RBM34: variants seen among roughly 807,000 people sequenced by gnomAD.
RBM34 encodes RNA-binding protein 34.
In RBM34, 39 loss-of-function variants were observed where a neutral mutation model predicts 44.6. That is an observed-to-expected ratio of 0.87 (90% CI 0.68 to 1.14). The LOEUF is 1.14. Among genes scored for constraint, RBM34 ranks in the 50% most tolerant of loss-of-function variants. The pLI is 0.00. For missense variants in RBM34, 572 were observed against 517.9 expected (o/e 1.10, Z -1.01); for synonymous variants, 194 against 184.0 (o/e 1.05, Z -0.44).
intron 3 of RBM34, 29 bp from the exon 4 acceptor site, chr1:235,155,141 G>A (rs567164242): frequency 1.9e-6 from 3 of 1,577,452 alleles, no homozygotes; most frequent in Non-Finnish European, 2.6e-6. Flanking sequence ...AAAATAAGCA[G>A]TAAGAGTCAT....
chr1:235,148,233 AG>A (rs2102847367), intron 6 of RBM34, among the ~76,000 whole-genome samples, 170 bp downstream of exon 6: 1 of 152,350 alleles, frequency 6.6e-6, no homozygotes, highest in South Asian at 2.1e-4. Context: ...TATGGCTTAA[AG>A]AAAAACGTGA....
chr1:235,136,612 G>A lies in RBM34; in HGVS notation c.850-539C>T, dbSNP rs1463186459. ...CAGGTCGTTGTCATTTCTCCACTAA[G>A]TTCCTTTGATATCGACAGAAATGCA... On this transcript the variant is annotated intron_variant, in intron 8 of 10. Coordinates refer to ENST00000408888, the MANE Select transcript of RBM34 (RefSeq NM_015014.4). Among the ~76,000 whole-genome samples, 7 of 152,204 alleles carry A rather than the reference G, an allele frequency of 4.6e-5. No individual in the cohort carries two copies. In the East Asian group the frequency reaches 1.3e-3, roughly 29 times the overall value.
intron 6 of RBM34, among the ~76,000 whole-genome samples, chr1:235,138,403 T>C (rs191406754): frequency 7.2e-5 from 11 of 152,344 alleles, no homozygotes; most frequent in African/African-American, 2.6e-4. Flanking sequence ...TTAGGAATCA[T>C]AACCATGAGA....
At position 235,137,928 on chromosome 1, in the gene RBM34, C is replaced by G. The variant is rs756784066; in HGVS notation, c.798G>C (p.Gln266His). 8.1e-6 allele frequency: 13 copies of G among 1,604,232 alleles called. No individual in the cohort carries two copies. Among genetic ancestry groups the G allele is most frequent in the Non-Finnish European group, 1.1e-5 (13 of 1,172,748 alleles). Residue 266 changes from glutamine to histidine, a missense_variant, in exon 8 of 11, where the codon CAG (glutamine) becomes CAC (histidine). Coordinates refer to ENST00000408888, the MANE Select transcript of RBM34 (RefSeq NM_015014.4). ...CTCTAATACGAAATCCATCTGCAAT[C>G]TGGGCCCCATTTCTGTATTATAAAT... Reference protein sequence around the residue: ...ATQALKRNGAQIADGFRIRVD... With the variant: ...ATQALKRNGAHIADGFRIRVD...
intron 1 of RBM34, 39 bp from the exon 2 acceptor site, chr1:235,161,106 C>T: frequency 3.7e-6 from 6 of 1,607,070 alleles, no homozygotes; most frequent in Non-Finnish European, 5.1e-6. Context: ...CGCCACGCAC[C>T]ACCGCTTCGC....
chr1:235,132,243 G>A (rs912351546), intron 10 of RBM34, among the ~76,000 whole-genome samples: 1 of 151,536 alleles, frequency 6.6e-6, no homozygotes, highest in Non-Finnish European at 1.5e-5. Flanking sequence ...TACAGGCTTC[G>A]TGGTTTTTTT....
intron 5 of RBM34, chr1:235,152,417 T>G: frequency 1.0e-6 from 1 of 987,028 alleles, no homozygotes; most frequent in Non-Finnish European, 1.3e-6. Context: ...AGTATTAACT[T>G]TTCAGTCTAT....
At chr1:235,161,143 T>C in intron 1 of RBM34, 31 bp downstream of exon 1, 1 of 1,600,662 alleles carries the variant, frequency 6.2e-7, no homozygotes, top group African/African-American at 1.3e-5. Flanking sequence ...ACAACATCCC[T>C]CCCCAGGTAC....
At chr1:235,147,609 G>A (rs984686783) in intron 6 of RBM34, among the ~76,000 whole-genome samples, 4 of 152,150 alleles carry the variant, frequency 2.6e-5, no homozygotes, top group South Asian at 2.1e-4. Flanking sequence ...AGGAAAAACC[G>A]GCGAAGACCT....
intron 4 of RBM34, 102 bp from the exon 5 acceptor site, chr1:235,152,867 A>G: frequency 2.3e-6 from 2 of 882,100 alleles, no homozygotes; most frequent in Middle Eastern, 3.9e-4. Flanking sequence ...CTCTACTGCC[A>G]GGCTTTTTTT....
At position 235,131,369 on chromosome 1, in the gene RBM34, G is replaced by A. The variant is rs941310524; in HGVS notation, c.*344C>T. ...TAAAAATACAAAAAATTAGCCAGGC[G>A]TGGTGGCAGGCGCCTGTAATCCCAG... On this transcript the variant is annotated 3_prime_UTR_variant, in exon 11 of 11. Transcript: ENST00000408888. 24 of 174,876 alleles carry A rather than the reference G, an allele frequency of 1.4e-4. No homozygotes were observed. The highest frequency in any genetic ancestry group is 5.2e-4 in the African/African-American group (22 of 42,070). 10.8% of individuals were successfully genotyped at this position (174,876 alleles called of 1,614,324 possible). A position where few individuals can be genotyped will look rare whatever the true frequency, so the allele number is the denominator to read the frequency against.
chr1:235,146,231 C>T (rs1315993292), intron 6 of RBM34, among the ~76,000 whole-genome samples: 1 of 152,048 alleles, frequency 6.6e-6, no homozygotes, highest in Non-Finnish European at 1.5e-5. Flanking sequence ...CAGGCGTGAG[C>T]CACTGCACCC....
chr1:235,160,195 T>C, intron 3 of RBM34: 1 of 467,256 alleles, frequency 2.1e-6, no homozygotes, highest in Non-Finnish European at 4.2e-6. Flanking sequence ...GAGGTTGCAG[T>C]GAGCTGAGAT....
intron 6 of RBM34, among the ~76,000 whole-genome samples, chr1:235,148,024 A>G (rs1039652773): frequency 1.1e-4 from 17 of 152,176 alleles, no homozygotes; most frequent in Non-Finnish European, 1.0e-4. Flanking sequence ...AAGTGGTCAC[A>G]GGCTGGCAGT....
rs1661187613 is a variant in RBM34 at position 235,131,331 on chromosome 1, A to AC, written c.*381dup. On this transcript the variant is annotated 3_prime_UTR_variant, in exon 11 of 11. Transcript: ENST00000408888. ...AGACCAGCCTGGCCAACATGGTGAA[A>AC]CCCCGTCTCTACTAAAAATACAAAA... 1 of 162,934 alleles carries AC rather than the reference A, an allele frequency of 6.1e-6. No homozygotes were observed. The highest frequency in any genetic ancestry group is 2.4e-5 in the African/African-American group (1 of 41,546). 10.1% of individuals were successfully genotyped at this position (162,934 alleles called of 1,614,324 possible). A position where few individuals can be genotyped will look rare whatever the true frequency, so the allele number is the denominator to read the frequency against.
At chr1:235,159,225 A>C (rs1412622879) in intron 3 of RBM34, among the ~76,000 whole-genome samples, 1 of 151,812 alleles carries the variant, frequency 6.6e-6, no homozygotes, top group Admixed American at 6.6e-5. Context: ...AAAAAAAAAA[A>C]AAAAGTTAAT....
Position 235,135,582 on chromosome 1 carries a change from T to A in RBM34, c.1008+70A>T, listed in dbSNP as rs77232447. 1.1e-3 allele frequency: 1,400 copies of A among 1,249,546 alleles called. 12 individuals are homozygous for A. In the African/African-American group the frequency reaches 0.018, roughly 16 times the overall value. 77.4% of individuals were successfully genotyped at this position (1,249,546 alleles called of 1,614,324 possible). On this transcript the variant is annotated intron_variant, in intron 10 of 10. Coordinates refer to ENST00000408888, the MANE Select transcript of RBM34 (RefSeq NM_015014.4). ...GGAAGTGAAAGTTATGTCTCAATGA[T>A]GACATGCAACAGTGTCAATGCCTCC...
In RBM34 at chr1:235,155,344, CTTTT is replaced by C. The variant is rs199592826; in HGVS notation, c.366-236_366-233del. ...CTCAAGATTTAGAAAAAGTTAAGCT[CTTTT>C]TTTTTTTCTTTGAGACAGGGTCTTG... On this transcript the variant is annotated intron_variant, in intron 3 of 10. Transcript: ENST00000408888. 6.1e-5 allele frequency among the ~76,000 whole-genome samples: 9 copies of C among 146,958 alleles called. No homozygotes were observed. In the East Asian group the frequency reaches 1.6e-3, roughly 26 times the overall value.
chr1:235,141,758 C>T (rs928821899), intron 6 of RBM34, among the ~76,000 whole-genome samples: 5 of 152,114 alleles, frequency 3.3e-5, no homozygotes, highest in Admixed American at 6.5e-5. Context: ...ACTCCAGACG[C>T]GCTGCCTTAA....
Sources: gnomAD v4.1 joint callset for allele counts (sites outside exome capture counted in the v4.1 genomes callset) on GRCh38, gnomAD v4.1.1 for gene constraint, MANE v1.5 for transcripts, NCBI Gene and HGNC (gene_info 2026-07-23, HGNC 2026-07-21) for gene names.